The following UNC5B variants were observed in gnomAD, a reference collection of about 807,000 sequenced individuals.
The protein encoded by UNC5B is netrin receptor UNC5B.
UNC5B carries 56 observed loss-of-function variants against 103.7 expected under a neutral mutation model. The ratio of observed to expected loss-of-function variants is 0.54; its 90% CI spans 0.44 to 0.67. UNC5B has a LOEUF of 0.67. Ranked by LOEUF, UNC5B falls within the 30% of genes least tolerant of loss-of-function variation. UNC5B has a pLI of 0.00. For missense variants in UNC5B, 1,194 were observed against 1,284.5 expected, an observed-to-expected ratio of 0.93 and a Z score of 1.08; for synonymous variants, 577 against 542.0, an observed-to-expected ratio of 1.06 and a Z score of -0.90.
chr10:71,284,584 A>G, intron 2 of UNC5B, 136 bp from the exon 3 acceptor site: 2 of 1,285,696 alleles, frequency 1.6e-6, no homozygotes, highest in Non-Finnish European at 2.1e-6. Context: ...GGGTGGAGAC[A>G]GGAGACAAGA....
At chr10:71,230,608 C>G (rs919470699) in intron 1 of UNC5B, among the ~76,000 whole-genome samples, 10 of 152,276 alleles carry the variant, frequency 6.6e-5, no homozygotes. Flanking sequence ...CCCCACATCC[C>G]TGGAGCCTGG....
At chr10:71,288,150 T>C (rs1224314249) in intron 6 of UNC5B, among the ~76,000 whole-genome samples, 1 of 152,182 alleles carries the variant, frequency 6.6e-6, no homozygotes, top group African/African-American at 2.4e-5. Flanking sequence ...ACCCTATTCA[T>C]ACTGACAGTC....
At chr10:71,230,149 C>T (rs1843655021) in intron 1 of UNC5B, among the ~76,000 whole-genome samples, 1 of 152,148 alleles carries the variant, frequency 6.6e-6, no homozygotes, top group South Asian at 2.1e-4. Context: ...GTAGACCATT[C>T]TAGATAGTCC....
chr10:71,274,797 G>C (rs546757001), intron 1 of UNC5B, among the ~76,000 whole-genome samples: 1 of 152,114 alleles, frequency 6.6e-6, no homozygotes, highest in Non-Finnish European at 1.5e-5. Flanking sequence ...CTCCTTCCCT[G>C]GGTTCTACCT....
Position 71,293,729 on chromosome 10 carries a change from G to A in UNC5B, c.1971G>A (p.Leu657=). The A allele has an allele frequency of 6.3e-7, 1 of 1,590,912 alleles. No individual in the cohort carries two copies. Among genetic ancestry groups the A allele is most frequent in the South Asian group, 1.1e-5 (1 of 88,344 alleles). The change falls in exon 13 of 17, where the codon CTG becomes CTA. Residue 657 remains leucine (L), a synonymous_variant. Coordinates refer to ENST00000335350, the MANE Select transcript of UNC5B (RefSeq NM_170744.5). ...TGGTGACCCTGGATGAGGAGACCCT[G>A]AACACACCCTGCTACTGCCAGCTGG... is the stretch of plus-strand genomic sequence containing the variant. ...EEVVTLDEET[L]NTPCYCQLEP... is the part of the protein sequence containing the mutation.
At chr10:71,232,177 C>A (rs762739018) in intron 1 of UNC5B, among the ~76,000 whole-genome samples, 2 of 152,240 alleles carry the variant, frequency 1.3e-5, no homozygotes, top group African/African-American at 4.8e-5. Context: ...CAGGAACTCC[C>A]AGGAATGGCC....
Position 71,292,501 on chromosome 10 carries a change from C to T in UNC5B, c.1719C>T (p.Pro573=). The change falls in exon 11 of 17, where the codon CCC becomes CCT. Residue 573 remains proline, a synonymous_variant. Coordinates refer to ENST00000335350, the MANE Select transcript of UNC5B (RefSeq NM_170744.5). ...TGCTGGTGCCCAATGGAGCCATTCC[C>T]CAGGGCAAGTTCTACGAGATGTATC... ...VSLLVPNGAI[P]QGKFYEMYLL... The T allele has an allele frequency of 1.9e-6, 3 of 1,605,748 alleles. No individual in the cohort carries two copies. The highest frequency in any genetic ancestry group is 2.6e-6 in the Non-Finnish European group (3 of 1,176,364).
chr10:71,254,328 C>G (rs75711109), intron 1 of UNC5B, among the ~76,000 whole-genome samples: 15,249 of 152,246 alleles, frequency 0.1, 1,032 homozygotes, highest in Middle Eastern at 0.2. Flanking sequence ...GGGCCTGGGC[C>G]CCAACCTTCT....
intron 1 of UNC5B, among the ~76,000 whole-genome samples, chr10:71,224,683 C>T (rs1256833806): frequency 6.6e-6 from 1 of 152,094 alleles, no homozygotes; most frequent in African/African-American, 2.4e-5. Flanking sequence ...AACTGGGCCC[C>T]CAATTGGTTG....
intron 1 of UNC5B, among the ~76,000 whole-genome samples, chr10:71,240,017 G>A (rs528839817): frequency 2.5e-4 from 38 of 152,306 alleles, no homozygotes; most frequent in South Asian, 1.9e-3. Flanking sequence ...GGCTCCAGGC[G>A]GGTGAGGGAA....
chr10:71,295,907 C>T lies in UNC5B; in HGVS notation c.2272C>T (p.Leu758Phe), dbSNP rs1418253977. The T allele has an allele frequency of 6.2e-7, 1 of 1,613,384 alleles. No individual in the cohort carries two copies. The highest frequency in any genetic ancestry group is 1.1e-5 in the South Asian group (1 of 91,054). Residue 758 changes from leucine (L) to phenylalanine (F), a missense_variant, in exon 14 of 17, where the codon CTC (leucine) becomes TTC (phenylalanine). Transcript: ENST00000335350. ...KDSYHNLRLS[L>F]HDLPHAHWRS... The stretch of plus-strand genomic sequence containing the variant: ...CAGTTACCACAACCTGCGCCTCTCC[C>T]TCCATGACCTCCCCCATGCCCATTG...
chr10:71,273,601 C>T (rs939553269), intron 1 of UNC5B, among the ~76,000 whole-genome samples: 1 of 152,240 alleles, frequency 6.6e-6, no homozygotes, highest in Non-Finnish European at 1.5e-5. Flanking sequence ...GATTCTGACA[C>T]CTCTTATACA....
At chr10:71,217,845 C>T (rs1169199911) in intron 1 of UNC5B, 2 of 152,392 alleles carry the variant, frequency 1.3e-5, no homozygotes, top group African/African-American at 4.8e-5. Context: ...CCCCCACCCC[C>T]AGTCCCCATC....
intron 1 of UNC5B, among the ~76,000 whole-genome samples, chr10:71,221,665 G>T (rs975117121): frequency 6.6e-6 from 1 of 152,226 alleles, no homozygotes; most frequent in Non-Finnish European, 1.5e-5. Flanking sequence ...TGATGCTGGG[G>T]TGCAAGGGGG....
In UNC5B at chr10:71,279,917, T is replaced by C. The variant is rs1051151230; in HGVS notation, c.176T>C (p.Ile59Thr). Residue 59 changes from isoleucine to threonine, a missense_variant, in exon 2 of 17, where the codon ATT becomes ACT. Physicochemically the swap from Ile to Thr is moderately conservative, Grantham distance 89 (BLOSUM62 -1). Coordinates refer to ENST00000335350, the MANE Select transcript of UNC5B (RefSeq NM_170744.5). The stretch of plus-strand genomic sequence containing the variant: ...CTGCAGGAGCCACAGGACGCCTACA[T>C]TGTGAAGAACAAGCCTGTGGAGCTC... ...YFLQEPQDAY[I>T]VKNKPVELRC... 1.9e-6 allele frequency: 3 copies of C among 1,613,992 alleles called. No individual in the cohort carries two copies. The highest frequency in any genetic ancestry group is 2.5e-6 in the Non-Finnish European group (3 of 1,180,006).
At chr10:71,274,665 G>A (rs1844726325) in intron 1 of UNC5B, among the ~76,000 whole-genome samples, 1 of 152,080 alleles carries the variant, frequency 6.6e-6, no homozygotes, top group Admixed American at 6.5e-5. Context: ...CAAATTAGAG[G>A]TGAGAGTTTG....
At chr10:71,230,461 C>T (rs997424443) in intron 1 of UNC5B, among the ~76,000 whole-genome samples, 1 of 152,250 alleles carries the variant, frequency 6.6e-6, no homozygotes, top group Non-Finnish European at 1.5e-5. Context: ...GTCAAAATTG[C>T]TTTCAATGTC....
intron 1 of UNC5B, among the ~76,000 whole-genome samples, chr10:71,268,742 T>C (rs1483262294): frequency 1.3e-5 from 2 of 152,174 alleles, no homozygotes; most frequent in East Asian, 1.9e-4. Flanking sequence ...CCCTGGGCTT[T>C]CAGGGCGGCA....
chr10:71,287,906 G>C, intron 6 of UNC5B, 141 bp downstream of exon 6: 1 of 1,162,386 alleles, frequency 8.6e-7, no homozygotes, highest in Non-Finnish European at 1.2e-6. Flanking sequence ...GGCTGCCCAG[G>C]CTGACTAGAT....
Sources: allele counts gnomAD v4.1 joint callset (sites outside exome capture counted in the v4.1 genomes callset), GRCh38; gene constraint gnomAD v4.1.1; transcripts MANE v1.5; gene names NCBI Gene and HGNC (gene_info 2026-07-23, HGNC 2026-07-21).